The following GATA4 variants were observed in gnomAD, a reference collection of about 807,000 sequenced individuals.
The protein encoded by GATA4 is GATA binding protein 4, also known as transcription factor GATA-4.
A neutral mutation model predicts 37.9 loss-of-function variants in GATA4; 7 were observed. The observed-to-expected ratio is 0.18, with a 90% confidence interval of 0.11 to 0.35. GATA4 has a LOEUF of 0.35. GATA4 is among the 10% of genes least tolerant of loss of function. GATA4 has a pLI of 1.00. For synonymous variants in GATA4, 372 were observed against 292.6 expected, an observed-to-expected ratio of 1.27 and a Z score of -2.77; for missense variants, 647 against 653.0, an observed-to-expected ratio of 0.99 and a Z score of 0.10.
intron 2 of GATA4, among the ~76,000 whole-genome samples, chr8:11,742,155 G>C (rs1801769910): frequency 6.6e-6 from 1 of 152,236 alleles, no homozygotes; most frequent in African/African-American, 2.4e-5. Context: ...TAGACCTCCA[G>C]GGAGGAGCCG....
chr8:11,716,609 G>A (rs1024150974), intron 2 of GATA4, among the ~76,000 whole-genome samples: 5 of 152,124 alleles, frequency 3.3e-5, no homozygotes, highest in African/African-American at 7.2e-5. Flanking sequence ...AGCAATGGGC[G>A]GACACCCCAG....
chr8:11,698,127 G>A, intron 1 of GATA4: 3 of 480,476 alleles, frequency 6.2e-6, no homozygotes, highest in South Asian at 8.8e-5. Context: ...CTCTCTCTGC[G>A]TCGCCAAGTC....
At chr8:11,721,149 G>A (rs1800655795) in intron 2 of GATA4, among the ~76,000 whole-genome samples, 1 of 151,646 alleles carries the variant, frequency 6.6e-6, no homozygotes, top group African/African-American at 2.4e-5. Context: ...GCAAGGGGGC[G>A]AAAGTGGGTT....
At chr8:11,745,453 G>A (rs796377037) in intron 2 of GATA4, among the ~76,000 whole-genome samples, 36 of 149,974 alleles carry the variant, frequency 2.4e-4, no homozygotes, top group African/African-American at 8.4e-4. Context: ...AGGCATGGCA[G>A]CATGCACCTG....
intron 2 of GATA4, among the ~76,000 whole-genome samples, chr8:11,712,788 G>T (rs1019098165): frequency 1.3e-5 from 2 of 152,066 alleles, no homozygotes; most frequent in Non-Finnish European, 2.9e-5. Context: ...TTGAGTCAGG[G>T]AGGTTGAGGC....
Position 11,755,105 on chromosome 8 carries a change from G to T in GATA4, c.972G>T (p.Lys324Asn). 1 of 1,614,070 alleles carries T rather than the reference G, an allele frequency of 6.2e-7. No homozygotes were observed. The highest frequency in any genetic ancestry group is 8.5e-7 in the Non-Finnish European group (1 of 1,179,960). Residue 324 changes from lysine to asparagine, a missense_variant, in exon 5 of 7, where the codon AAG becomes AAT. Lys to Asn is a moderately conservative substitution (Grantham distance 94, BLOSUM62 0). Around this residue, in one of 5 missense-constraint regions of GATA4, gnomAD observed 184 missense variants for 157.1 expected, o/e 1.17. Coordinates refer to ENST00000532059, the MANE Select transcript of GATA4 (RefSeq NM_001308093.3). ...TCCAAACCAGAAAACGGAAGCCCAAGAACCTGAATAAATCTAAGACACCAG... is the reference window on the plus strand; with the variant it reads ...TCCAAACCAGAAAACGGAAGCCCAATAACCTGAATAAATCTAAGACACCAG... ...EGIQTRKRKPKNLNKSKTPAA... is the reference protein window; with the variant it reads ...EGIQTRKRKPNNLNKSKTPAA...
At chr8:11,717,797 C>T (rs1800501981) in intron 2 of GATA4, among the ~76,000 whole-genome samples, 1 of 152,232 alleles carries the variant, frequency 6.6e-6, no homozygotes, top group South Asian at 2.1e-4. Flanking sequence ...CCGTATCATT[C>T]CTCAACTGTA....
chr8:11,721,464 T>C (rs1800673726), intron 2 of GATA4, among the ~76,000 whole-genome samples: 1 of 151,660 alleles, frequency 6.6e-6, no homozygotes, highest in Non-Finnish European at 1.5e-5. Context: ...CGCAAGCTCC[T>C]GGCTGTTGGT....
chr8:11,692,993 C>T (rs954839721), intron 1 of GATA4: 18 of 985,254 alleles, frequency 1.8e-5, no homozygotes, highest in Non-Finnish European at 2.2e-5. Flanking sequence ...ATCACCCGGG[C>T]TGCACCCCCG....
At chr8:11,742,669 G>A (rs772916343) in intron 2 of GATA4, among the ~76,000 whole-genome samples, 5 of 152,240 alleles carry the variant, frequency 3.3e-5, no homozygotes, top group Admixed American at 6.5e-5. Context: ...GGGCCTCCCC[G>A]TGACAGCCTC....
At chr8:11,712,591 T>C (rs893048357) in intron 2 of GATA4, among the ~76,000 whole-genome samples, 5 of 151,384 alleles carry the variant, frequency 3.3e-5, no homozygotes, top group Admixed American at 6.6e-5. Flanking sequence ...GTGCAGTGGC[T>C]CACACCTGTA....
chr8:11,747,302 C>G (rs927028481), intron 2 of GATA4, among the ~76,000 whole-genome samples: 1 of 152,180 alleles, frequency 6.6e-6, no homozygotes, highest in East Asian at 1.9e-4. Flanking sequence ...CAGCCTGTCT[C>G]ACGAGGGTGA....
intron 6 of GATA4, 76 bp downstream of exon 6, chr8:11,757,159 T>C: frequency 6.3e-7 from 1 of 1,581,710 alleles, no homozygotes; most frequent in Non-Finnish European, 8.6e-7. Context: ...AGCCTAGTAC[T>C]GGGTGGGACT....
intron 1 of GATA4, among the ~76,000 whole-genome samples, chr8:11,678,625 A>G (rs1798855993): frequency 6.6e-6 from 1 of 152,260 alleles, no homozygotes; most frequent in Non-Finnish European, 1.5e-5. Context: ...ATTTATCATC[A>G]CAAAATTGGA....
At chr8:11,726,663 C>G (rs1222761961) in intron 2 of GATA4, among the ~76,000 whole-genome samples, 1 of 152,112 alleles carries the variant, frequency 6.6e-6, no homozygotes, top group African/African-American at 2.4e-5. Flanking sequence ...CTCTGCAGAG[C>G]TGCCTTCTGA....
chr8:11,736,903 C>G (rs1203993514), intron 2 of GATA4, among the ~76,000 whole-genome samples: 1 of 152,176 alleles, frequency 6.6e-6, no homozygotes, highest in African/African-American at 2.4e-5. Context: ...GTGTGCTGCC[C>G]AGGTCCACGA....
chr8:11,677,799 G>T (rs2129907335), intron 1 of GATA4, among the ~76,000 whole-genome samples: 1 of 152,174 alleles, frequency 6.6e-6, no homozygotes, highest in Non-Finnish European at 1.5e-5. Flanking sequence ...CCTGAGATGG[G>T]AAGGAGGCGT....
At chr8:11,682,302 T>C (rs963283142) in intron 1 of GATA4, among the ~76,000 whole-genome samples, 4 of 152,238 alleles carry the variant, frequency 2.6e-5, no homozygotes, top group African/African-American at 9.6e-5. Flanking sequence ...GAAACTGATA[T>C]GGTAGAAATA....
chr8:11,750,025 A>T, intron 3 of GATA4, 86 bp from the exon 4 acceptor site: 1 of 1,598,154 alleles, frequency 6.3e-7, no homozygotes, highest in Non-Finnish European at 8.5e-7. Flanking sequence ...CCCGTTAGGG[A>T]GGCCCAGCTC....
Sources: gnomAD v4.1 joint callset for allele counts (sites outside exome capture counted in the v4.1 genomes callset) on GRCh38, gnomAD v4.1.1 for gene constraint, gnomAD v4.1.1 regional missense constraint, MANE v1.5 for transcripts, NCBI Gene and HGNC (gene_info 2026-07-23, HGNC 2026-07-21) for gene names.